Variants in PSMD14 observed in about 807,000 individuals in gnomAD.
The protein encoded by PSMD14 is ubiquitin C-terminal hydrolase PSMD14.
PSMD14 carries 7 observed loss-of-function variants against 41.2 expected under a neutral mutation model. That is an observed-to-expected ratio of 0.17 (90% CI 0.10 to 0.32). The LOEUF is 0.32. Among genes scored for constraint, PSMD14 ranks in the 10% least tolerant of loss-of-function variants. PSMD14 has a pLI of 1.00. For missense variants in PSMD14, 139 were observed against 375.6 expected (o/e 0.37, Z 5.21); for synonymous variants, 114 against 122.3 (o/e 0.93, Z 0.45).
At chr2:161,330,932 G>C (rs1275714104) in intron 3 of PSMD14, among the ~76,000 whole-genome samples, 2 of 152,122 alleles carry the variant, frequency 1.3e-5, no homozygotes, top group Non-Finnish European at 2.9e-5. Context: ...ATTCCCTAGT[G>C]TTGTAAACGG....
intron 9 of PSMD14, among the ~76,000 whole-genome samples, chr2:161,392,334 T>C (rs764550907): frequency 6.6e-6 from 1 of 152,204 alleles, no homozygotes; most frequent in Non-Finnish European, 1.5e-5. Flanking sequence ...CAGAAAGTGA[T>C]AAGTAATCAG....
chr2:161,337,920 T>C (rs1682891910), intron 3 of PSMD14, among the ~76,000 whole-genome samples: 1 of 152,192 alleles, frequency 6.6e-6, no homozygotes, highest in Non-Finnish European at 1.5e-5. Flanking sequence ...TCTGACTACT[T>C]AATTGTTACA....
intron 9 of PSMD14, among the ~76,000 whole-genome samples, chr2:161,393,627 A>G (rs1683746250): frequency 6.6e-6 from 1 of 152,184 alleles, no homozygotes; most frequent in African/African-American, 2.4e-5. Flanking sequence ...ACATCTTCAG[A>G]TTCTTATGGC....
chr2:161,318,468 A>G (rs769339271), intron 2 of PSMD14, among the ~76,000 whole-genome samples: 9 of 152,176 alleles, frequency 5.9e-5, no homozygotes, highest in Non-Finnish European at 1.3e-4. Flanking sequence ...AAATTCAATC[A>G]TACATATGAT....
At chr2:161,396,611 G>A (rs1683799927) in intron 10 of PSMD14, among the ~76,000 whole-genome samples, 2 of 152,108 alleles carry the variant, frequency 1.3e-5, no homozygotes, top group South Asian at 2.1e-4. Flanking sequence ...TAGAATTGTG[G>A]TTACCAGGAA....
chr2:161,395,006 T>A, intron 9 of PSMD14, 72 bp from the exon 10 acceptor site: 2 of 1,323,930 alleles, frequency 1.5e-6, no homozygotes, highest in South Asian at 1.6e-5. Context: ...TTTTTTGAAG[T>A]TTTTTTTCTC....
chr2:161,356,071 A>T (rs1683193272), intron 3 of PSMD14, among the ~76,000 whole-genome samples: 1 of 151,872 alleles, frequency 6.6e-6, no homozygotes, highest in African/African-American at 2.4e-5. Context: ...ATTTTTTTTT[A>T]ACTCTAAAAA....
chr2:161,383,614 A>G (rs1211512222), intron 7 of PSMD14: 1 of 151,604 alleles, frequency 6.6e-6, no homozygotes, highest in Non-Finnish European at 1.5e-5. Context: ...ATAAAAAAGT[A>G]TATAGGAATT....
At chr2:161,325,451 A>G (rs1037189916) in intron 3 of PSMD14, among the ~76,000 whole-genome samples, 3 of 152,114 alleles carry the variant, frequency 2.0e-5, no homozygotes, top group Non-Finnish European at 4.4e-5. Flanking sequence ...TGTTGTTTCA[A>G]TTGTTTGTCT....
intron 3 of PSMD14, among the ~76,000 whole-genome samples, chr2:161,325,678 T>A (rs1249680016): frequency 6.6e-6 from 1 of 152,150 alleles, no homozygotes; most frequent in Non-Finnish European, 1.5e-5. Flanking sequence ...AGAATTCATA[T>A]AGGAAAAAAT....
At chr2:161,402,824 A>T (rs574398259) in intron 10 of PSMD14, among the ~76,000 whole-genome samples, 24 of 152,306 alleles carry the variant, frequency 1.6e-4, no homozygotes, top group African/African-American at 5.5e-4. Context: ...ACAAACACAT[A>T]AAAAAGATGT....
intron 3 of PSMD14, among the ~76,000 whole-genome samples, chr2:161,356,520 G>T (rs1179930746): frequency 6.6e-6 from 1 of 151,784 alleles, no homozygotes; most frequent in African/African-American, 2.4e-5. Flanking sequence ...TTTGTTGAGG[G>T]TTATATTAGA....
chr2:161,318,516 A>G (rs960917205), intron 2 of PSMD14, among the ~76,000 whole-genome samples: 2 of 152,152 alleles, frequency 1.3e-5, no homozygotes, highest in Non-Finnish European at 1.5e-5. Context: ...CAGGTACTTT[A>G]TTAGATAACA....
intron 3 of PSMD14, among the ~76,000 whole-genome samples, chr2:161,363,141 G>A (rs892284058): frequency 6.6e-6 from 1 of 152,108 alleles, no homozygotes; most frequent in African/African-American, 2.4e-5. Context: ...ACAGTATTTT[G>A]AACACCTATG....
At chr2:161,394,930 G>C in intron 9 of PSMD14, 148 bp from the exon 10 acceptor site, 1 of 686,418 alleles carries the variant, frequency 1.5e-6, no homozygotes, top group East Asian at 2.9e-5. Flanking sequence ...TACAAATATA[G>C]GAGCATTCTA....
intron 3 of PSMD14, among the ~76,000 whole-genome samples, chr2:161,337,838 C>A (rs1403330973): frequency 6.6e-6 from 1 of 152,070 alleles, no homozygotes; most frequent in Non-Finnish European, 1.5e-5. Flanking sequence ...TGACCTGTAG[C>A]CTGCACAAGT....
At chr2:161,388,699 T>A (rs1170899687) in intron 8 of PSMD14, among the ~76,000 whole-genome samples, 4 of 152,154 alleles carry the variant, frequency 2.6e-5, no homozygotes, top group African/African-American at 9.7e-5. Context: ...TAAAATAAAT[T>A]AAGGCAAACA....
chr2:161,353,099 G>A (rs1311253952), intron 3 of PSMD14, among the ~76,000 whole-genome samples: 3 of 152,166 alleles, frequency 2.0e-5, no homozygotes, highest in Non-Finnish European at 4.4e-5. Context: ...CTGGCTTTAA[G>A]ACTATGAGTC....
At chr2:161,318,230 A>G (rs1210057639) in intron 2 of PSMD14, among the ~76,000 whole-genome samples, 1 of 152,182 alleles carries the variant, frequency 6.6e-6, no homozygotes, top group Non-Finnish European at 1.5e-5. Flanking sequence ...CTATCTTAAT[A>G]TGTTTAATGT....
Sources: allele counts gnomAD v4.1 joint callset (sites outside exome capture counted in the v4.1 genomes callset), GRCh38; gene constraint gnomAD v4.1.1; transcripts MANE v1.5; gene names NCBI Gene and HGNC (gene_info 2026-07-23, HGNC 2026-07-21).